The following KIF13B variants were observed in gnomAD, a reference collection of about 807,000 sequenced individuals.
KIF13B encodes the protein kinesin family member 13B.
In KIF13B, 127 loss-of-function variants were observed where a neutral mutation model predicts 222.0. That is an observed-to-expected ratio of 0.57 (90% CI 0.50 to 0.66). KIF13B has a LOEUF of 0.66. KIF13B is among the 30% of genes least tolerant of loss of function. The pLI is 0.00. For missense variants in KIF13B, 2,173 were observed against 2,379.0 expected (o/e 0.91, Z 1.80); for synonymous variants, 976 against 919.0 (o/e 1.06, Z -1.12).
rs1471452631 is a variant in KIF13B, at chr8:29,155,846, A to C, written c.1415T>G (p.Leu472Trp). ...ATCTTGGGAATTTGCTGACCCTATC[A>C]ATGTATGTTCCTAAGAAAAAACCAA... ...LLVYYLKEHTLIGSANSQDIQ... is the reference protein window; with the variant it reads ...LLVYYLKEHTWIGSANSQDIQ... The change falls in exon 14 of 40, where the codon TTG (leucine) becomes TGG (tryptophan). Residue 472 changes from leucine to tryptophan, a missense_variant. Around this residue, in one of 2 missense-constraint regions of KIF13B, gnomAD observed 1,480 missense variants for 1,722.8 expected, o/e 0.86. Transcript: ENST00000524189. The C allele has an allele frequency of 1.3e-6, 2 of 1,575,344 alleles. No individual in the cohort carries two copies. The highest frequency in any genetic ancestry group is 2.3e-5 in the East Asian group (1 of 43,644).
rs115246446 is a variant in KIF13B at position 29,254,882 on chromosome 8, A to T, written c.55+8098T>A. Among the ~76,000 whole-genome samples the T allele has an allele frequency of 6.1e-3, 931 of 152,368 alleles. 11 individuals are homozygous for T. Among genetic ancestry groups the T allele is most frequent in the African/African-American group, 0.021 (877 of 41,590 alleles). ...CATTCATAATAGCCAAAAATTGGAA[A>T]CAAGCCAAATGCCCATCAATTGATG... is the stretch of plus-strand genomic sequence containing the variant. On this transcript the variant is annotated intron_variant, in intron 1 of 39. Transcript: ENST00000524189.
At chr8:29,212,221 T>C (rs1038777261) in intron 2 of KIF13B, among the ~76,000 whole-genome samples, 1 of 152,220 alleles carries the variant, frequency 6.6e-6, no homozygotes, top group Non-Finnish European at 1.5e-5. Context: ...TTGGGTCACA[T>C]GGTAAGTATG....
chr8:29,146,432 T>C lies in KIF13B; in HGVS notation c.2133A>G (p.Thr711=). 6.2e-7 allele frequency: 1 copy of C among 1,613,990 alleles called. No individual in the cohort carries two copies. Among genetic ancestry groups the C allele is most frequent in the Non-Finnish European group, 8.5e-7 (1 of 1,179,872 alleles). The change falls in exon 18 of 40, where the codon ACA becomes ACG. Residue 711 remains threonine (T), a synonymous_variant. Transcript: ENST00000524189. The part of the protein sequence containing the change: ...NYIAEELDKR[T]EYKVTLQIPA... ...GAATCTGTAGGGTAACTTTGTATTCTGTTCTTTTATCCAGCTCCTCAGCAA... is the reference window on the plus strand; with the variant it reads ...GAATCTGTAGGGTAACTTTGTATTCCGTTCTTTTATCCAGCTCCTCAGCAA...
At chr8:29,240,137 A>AT (rs145646100) in intron 2 of KIF13B, among the ~76,000 whole-genome samples, 8,147 of 148,248 alleles carry the variant, frequency 0.055, 296 homozygotes, top group Admixed American at 0.097. Context: ...TCCTTTTAAC[A>AT]TTTTTTTTTT....
At chr8:29,183,170 T>TG (rs1322207558) in intron 6 of KIF13B, among the ~76,000 whole-genome samples, 8 of 142,534 alleles carry the variant, frequency 5.6e-5, no homozygotes, top group African/African-American at 1.9e-4. Context: ...TAAAGTTTGT[T>TG]TTTTTTTTTT....
rs1586773647 is a variant in KIF13B at position 29,099,170 on chromosome 8, G to C, written c.4287C>G (p.Leu1429=). 6.2e-7 allele frequency: 1 copy of C among 1,613,840 alleles called. No homozygotes were observed. Among genetic ancestry groups the C allele is most frequent in the Middle Eastern group, 1.7e-4 (1 of 6,060 alleles). ...AATGGTTATTTTGGGGAGAAACAGA[G>C]AGGGCGGGGGCAGGAGCTATTCCTC... ...VSRGIAPAPA[L]SVSPQNNHSP... The change falls in exon 36 of 40, where the codon CTC becomes CTG. Residue 1429 remains leucine, a synonymous_variant. Coordinates refer to ENST00000524189, the MANE Select transcript of KIF13B (RefSeq NM_015254.4).
chr8:29,247,742 G>A (rs1421454391), intron 1 of KIF13B, among the ~76,000 whole-genome samples: 1 of 150,456 alleles, frequency 6.6e-6, no homozygotes, highest in African/African-American at 2.5e-5. Context: ...GTTGAGATAG[G>A]AGGATGGCTT....
At chr8:29,241,905 G>C (rs562859634) in intron 2 of KIF13B, among the ~76,000 whole-genome samples, 1 of 152,192 alleles carries the variant, frequency 6.6e-6, no homozygotes, top group African/African-American at 2.4e-5. Flanking sequence ...TGTTCGAGTT[G>C]TGGATTAAAC....
In KIF13B at chr8:29,134,359, T is replaced by C. The variant is rs1303686106; in HGVS notation, c.2614-149A>G. The C allele has an allele frequency of 1.2e-5, 8 of 684,148 alleles. No individual in the cohort carries two copies. The East Asian group carries it at 1.8e-4, about 16-fold the overall frequency. 42.4% of individuals were successfully genotyped at this position (684,148 alleles called of 1,614,324 possible). On this transcript the variant is annotated intron_variant, in intron 21 of 39. Coordinates refer to ENST00000524189, the MANE Select transcript of KIF13B (RefSeq NM_015254.4). Reference sequence around the variant, plus strand: ...CCCATTCACCCTGAGACTGGACTTCTGCATCTGGGAAATAGTGGTAGCAAT... The same window carrying C: ...CCCATTCACCCTGAGACTGGACTTCCGCATCTGGGAAATAGTGGTAGCAAT...
At position 29,148,655 on chromosome 8, in the gene KIF13B, T is replaced by C. The variant is rs1811168734; in HGVS notation, c.1735A>G (p.Ser579Gly). 1 of 1,613,298 alleles carries C rather than the reference T, an allele frequency of 6.2e-7. No homozygotes were observed. Among genetic ancestry groups the C allele is most frequent in the African/African-American group, 1.3e-5 (1 of 75,062 alleles). The change falls in exon 16 of 40, where the codon AGC (serine) becomes GGC (glycine). Residue 579 changes from serine to glycine, a missense_variant. By Grantham distance (56) the Ser-to-Gly change is moderately conservative. Transcript: ENST00000524189. ...EQLDVDGDSS[S>G]EVSSEVNFNY... ...AAGTTAACTTCACTGGACACCTCGC[T>C]GGAGGAGTCTCCGTCTACATCCAGC...
chr8:29,239,262 T>C (rs1301559019), intron 2 of KIF13B, among the ~76,000 whole-genome samples: 1 of 152,202 alleles, frequency 6.6e-6, no homozygotes, highest in Non-Finnish European at 1.5e-5. Flanking sequence ...GTTTTGGTTC[T>C]GATGTTTAAA....
chr8:29,231,802 CAT>C (rs1354310349), intron 2 of KIF13B, among the ~76,000 whole-genome samples: 4 of 151,516 alleles, frequency 2.6e-5, no homozygotes, highest in Admixed American at 2.6e-4. Flanking sequence ...TGGAAATGTA[CAT>C]ATATGTGTAT....
intron 1 of KIF13B, chr8:29,249,903 T>G: frequency 1.8e-6 from 1 of 554,586 alleles, no homozygotes; most frequent in Non-Finnish European, 3.0e-6. Context: ...GTTTTGTCTT[T>G]AAATCTGCTC....
intron 18 of KIF13B, chr8:29,146,170 A>T: frequency 3.3e-6 from 2 of 613,568 alleles, no homozygotes; most frequent in Non-Finnish European, 5.8e-6. Context: ...GGTGAGATGC[A>T]GAGTATATTC....
At chr8:29,136,747 A>G (rs1217034937) in intron 21 of KIF13B, among the ~76,000 whole-genome samples, 1 of 150,544 alleles carries the variant, frequency 6.6e-6, no homozygotes, top group Non-Finnish European at 1.5e-5. Flanking sequence ...CAGGGGTGAG[A>G]CTTACCACAC....
In KIF13B at chr8:29,072,191, C is replaced by T; in HGVS notation, c.4647G>A (p.Pro1549=). Residue 1549 remains proline, a synonymous_variant, in exon 39 of 40, where the codon CCG becomes CCA. Transcript: ENST00000524189. The part of the protein sequence containing the change: ...PPVIAVTAVT[P]APEAQDGPPS... Reference sequence around the variant, plus strand: ...GGGGCCCGTCCTGTGCCTCCGGAGCCGGGGTGACCGCTGTGACAGCTATGA... The same window carrying T: ...GGGGCCCGTCCTGTGCCTCCGGAGCTGGGGTGACCGCTGTGACAGCTATGA... The T allele has an allele frequency of 1.4e-6, 2 of 1,444,010 alleles. No individual in the cohort carries two copies. The highest frequency in any genetic ancestry group is 5.5e-5 in the East Asian group (2 of 36,270). The allele number at this position is 1,444,010 out of a possible 1,614,324, so 89.4% of individuals were successfully genotyped here. A position where few individuals can be genotyped will look rare whatever the true frequency, so the allele number is the denominator to read the frequency against.
chr8:29,070,612 G>T lies in KIF13B; in HGVS notation c.5373C>A (p.Ser1791Arg), dbSNP rs755524267. Reference protein sequence around the residue: ...LRLGAPEARRSATLSGSATNL... With the variant: ...LRLGAPEARRRATLSGSATNL... ...TGGTGGCGGAGCCCGAGAGGGTGGC[G>T]CTCCGGCGGGCCTCGGGGGCACCCA... The change falls in exon 40 of 40, where the codon AGC (serine) becomes AGA (arginine). Residue 1791 changes from serine to arginine, a missense_variant. By Grantham distance (110) the Ser-to-Arg change is moderately radical. Coordinates refer to ENST00000524189, the MANE Select transcript of KIF13B (RefSeq NM_015254.4). The surrounding 1 kb of genome is among the most constrained non-coding windows in gnomAD (Gnocchi z 4.1). 2 of 1,584,450 alleles carry T rather than the reference G, an allele frequency of 1.3e-6. No homozygotes were observed. The highest frequency in any genetic ancestry group is 1.7e-6 in the Non-Finnish European group (2 of 1,165,028).
At chr8:29,145,882 C>G (rs925768440) in intron 18 of KIF13B, 3 of 154,376 alleles carry the variant, frequency 1.9e-5, no homozygotes, top group Non-Finnish European at 4.3e-5. Context: ...GACTTTCCCC[C>G]TACATTTTAT....
chr8:29,127,015 G>A, intron 25 of KIF13B, 107 bp downstream of exon 25: 2 of 973,848 alleles, frequency 2.1e-6, no homozygotes, highest in South Asian at 1.7e-5. Flanking sequence ...TAAACAAAGA[G>A]ATTCACGGAA....
Sources: allele counts gnomAD v4.1 joint callset (sites outside exome capture counted in the v4.1 genomes callset), GRCh38; gene constraint gnomAD v4.1.1; regional missense constraint gnomAD v4.1.1; non-coding constraint Gnocchi (gnomAD v3.1); transcripts MANE v1.5; gene names NCBI Gene and HGNC (gene_info 2026-07-23, HGNC 2026-07-21).